The following CYP19A1 variants were observed in gnomAD, a reference collection of about 807,000 sequenced individuals.
CYP19A1 encodes the protein cytochrome P450 family 19 subfamily A member 1, also known as aromatase.
In CYP19A1, 32 loss-of-function variants were observed where a neutral mutation model predicts 44.4. The ratio of observed to expected loss-of-function variants is 0.72; its 90% CI spans 0.54 to 0.97. CYP19A1 has a LOEUF of 0.97. CYP19A1 is among the 50% of genes least tolerant of loss of function. The pLI is 0.00. For synonymous variants in CYP19A1, 212 were observed against 215.6 expected, an observed-to-expected ratio of 0.98 and a Z score of 0.14; for missense variants, 598 against 637.8, an observed-to-expected ratio of 0.94 and a Z score of 0.67.
chr15:51,266,498 C>G (rs2034923821), intron 1 of CYP19A1, among the ~76,000 whole-genome samples: 1 of 152,264 alleles, frequency 6.6e-6, no homozygotes, highest in African/African-American at 2.4e-5. Flanking sequence ...CGAAGGTGGA[C>G]AAGCTTCTGC....
chr15:51,268,519 T>C (rs1251843924), intron 1 of CYP19A1, among the ~76,000 whole-genome samples: 35 of 138,900 alleles, frequency 2.5e-4, no homozygotes, highest in South Asian at 1.3e-3. Context: ...ATCGTTTCCT[T>C]CCCCCCCCCC....
rs1323351455 is a variant in CYP19A1 at position 51,255,280 on chromosome 15, G to T, written c.-38-12330C>A. Among the ~76,000 whole-genome samples, 3 of 152,314 alleles carry T rather than the reference G, an allele frequency of 2.0e-5. No individual in the cohort carries two copies. In the East Asian group the frequency reaches 5.8e-4, roughly 29 times the overall value. On this transcript the variant is annotated intron_variant, in intron 1 of 9. Transcript: ENST00000396402. ...TAAGGGTCTCTGGAACAGCTGATCA[G>T]TAAATTCCCACATGGTTTCTACCCA...
chr15:51,251,372 A>G (rs1211147870), intron 1 of CYP19A1, among the ~76,000 whole-genome samples: 2 of 152,214 alleles, frequency 1.3e-5, no homozygotes, highest in South Asian at 4.1e-4. Context: ...AAGATTTGTC[A>G]CACTGCGGTC....
chr15:51,324,267 T>C (rs902986632), intron 1 of CYP19A1, among the ~76,000 whole-genome samples: 5 of 152,234 alleles, frequency 3.3e-5, no homozygotes, highest in African/African-American at 1.2e-4. Flanking sequence ...TTGCCAAAGA[T>C]GAATATTTTA....
In CYP19A1 at chr15:51,218,645, G is replaced by T. The variant is rs147160979; in HGVS notation, c.639C>A (p.Ile213=). ...FLRIPLDESA[I]VVKIQGYFDA... is the part of the protein sequence containing the mutation. Reference sequence around the variant, plus strand: ...CAAAATAACCTTGGATTTTAACCACGATAGCACTTTCTGTAGGAAAAAAAA... The same window carrying T: ...CAAAATAACCTTGGATTTTAACCACTATAGCACTTTCTGTAGGAAAAAAAA... The change falls in exon 6 of 10, where the codon ATC becomes ATA. Residue 213 remains isoleucine, a synonymous_variant. Transcript: ENST00000396402. 5 of 1,612,696 alleles carry T rather than the reference G, an allele frequency of 3.1e-6. No individual in the cohort carries two copies. The South Asian group carries it at 4.4e-5, about 14-fold the overall frequency.
chr15:51,224,387 G>A (rs2032400334), intron 4 of CYP19A1, among the ~76,000 whole-genome samples: 1 of 152,134 alleles, frequency 6.6e-6, no homozygotes, highest in African/African-American at 2.4e-5. Flanking sequence ...AGACACCACA[G>A]TGAACTTTCC....
intron 1 of CYP19A1, among the ~76,000 whole-genome samples, chr15:51,304,283 C>T (rs2036170902): frequency 6.6e-6 from 1 of 152,164 alleles, no homozygotes; most frequent in Admixed American, 6.5e-5. Flanking sequence ...AGTGATACCC[C>T]TTATCTTGGG....
intron 1 of CYP19A1, among the ~76,000 whole-genome samples, chr15:51,316,788 C>G (rs546689003): frequency 2.6e-5 from 4 of 152,094 alleles, no homozygotes; most frequent in Non-Finnish European, 4.4e-5. Context: ...ACTATATTCC[C>G]CAGCCTCTCT....
chr15:51,259,870 A>G (rs1001634550), intron 1 of CYP19A1, among the ~76,000 whole-genome samples: 1 of 152,250 alleles, frequency 6.6e-6, no homozygotes, highest in Admixed American at 6.5e-5. Context: ...CAGCTTTCCT[A>G]GAACCCTGAA....
In CYP19A1 at chr15:51,210,994, G is replaced by A. The variant is rs763768204; in HGVS notation, c.1326C>T (p.Ile442=). Residue 442 remains isoleucine (I), a synonymous_variant, in exon 10 of 10, where the codon ATC becomes ATT. Transcript: ENST00000396402. ...GGATGGCTTTCATCATCACCATGGC[G>A]ATGTACTTTCCTGCACAGCCACGGG... The part of the protein sequence containing the change: ...FGPRGCAGKY[I]AMVMMKAILV... 5.0e-6 allele frequency: 8 copies of A among 1,591,956 alleles called. No individual in the cohort carries two copies. Among genetic ancestry groups the A allele is most frequent in the Non-Finnish European group, 5.2e-6 (6 of 1,159,934 alleles).
chr15:51,300,841 A>T (rs1228439952), intron 1 of CYP19A1, among the ~76,000 whole-genome samples: 1 of 152,266 alleles, frequency 6.6e-6, no homozygotes, highest in Non-Finnish European at 1.5e-5. Context: ...GACATTCCTC[A>T]AAGAAAATTG....
At chr15:51,231,647 G>A (rs2033044609) in intron 3 of CYP19A1, among the ~76,000 whole-genome samples, 1 of 151,598 alleles carries the variant, frequency 6.6e-6, no homozygotes, top group African/African-American at 2.4e-5. Flanking sequence ...GCGCATGTGT[G>A]TACGTTAGCG....
chr15:51,254,765 T>C (rs1178634382), intron 1 of CYP19A1, among the ~76,000 whole-genome samples: 4 of 152,236 alleles, frequency 2.6e-5, no homozygotes, highest in Admixed American at 6.5e-5. Flanking sequence ...AATATCTGTT[T>C]GTGTCTCTGA....
At chr15:51,304,890 C>CATTTT (rs1555398466) in intron 1 of CYP19A1, among the ~76,000 whole-genome samples, 1 of 104,572 alleles carries the variant, frequency 9.6e-6, no homozygotes, top group African/African-American at 4.8e-5. Context: ...GTGTCTCTTC[C>CATTTT]TTTTTTTTTT....
intron 1 of CYP19A1, among the ~76,000 whole-genome samples, chr15:51,313,820 G>C (rs900970190): frequency 6.6e-6 from 1 of 151,694 alleles, no homozygotes; most frequent in Admixed American, 6.6e-5. Context: ...AACCTCAAAA[G>C]GATCACACAA....
intron 3 of CYP19A1, among the ~76,000 whole-genome samples, chr15:51,229,734 C>T (rs1024739355): frequency 1.3e-5 from 2 of 152,092 alleles, no homozygotes; most frequent in Non-Finnish European, 2.9e-5. Flanking sequence ...CTCCATCATT[C>T]TATAATTAAA....
At chr15:51,244,887 TAA>T (rs2033980204) in intron 1 of CYP19A1, among the ~76,000 whole-genome samples, 1 of 152,200 alleles carries the variant, frequency 6.6e-6, no homozygotes, top group African/African-American at 2.4e-5. Flanking sequence ...CTCAGTATCG[TAA>T]GTTATGCAAA....
intron 1 of CYP19A1, among the ~76,000 whole-genome samples, chr15:51,276,194 C>G (rs2035303848): frequency 6.6e-6 from 1 of 152,194 alleles, no homozygotes; most frequent in Admixed American, 6.5e-5. Context: ...TTGGCTTAGT[C>G]TATAGCAGCC....
chr15:51,332,230 T>C (rs1410285440), intron 1 of CYP19A1, among the ~76,000 whole-genome samples: 2 of 152,174 alleles, frequency 1.3e-5, no homozygotes, highest in Non-Finnish European at 2.9e-5. Flanking sequence ...TTGTCACTGG[T>C]AGTCAAACTC....
Sources: gnomAD v4.1 joint callset for allele counts (sites outside exome capture counted in the v4.1 genomes callset) on GRCh38, gnomAD v4.1.1 for gene constraint, MANE v1.5 for transcripts, NCBI Gene and HGNC (gene_info 2026-07-23, HGNC 2026-07-21) for gene names.